H2AC1: variants seen among roughly 807,000 people sequenced by gnomAD.
The protein encoded by H2AC1 is histone H2A type 1-A.
For synonymous variants in H2AC1, 145 were observed against 70.0 expected (o/e 2.07, Z -5.35); for missense variants, 218 against 173.8 (o/e 1.25, Z -1.43).
rs148750226 is a variant in H2AC1, at chr6:25,726,203, G to A, written c.325C>T (p.Leu109=). ...AGCAGCACTGCCTGAATGTTAGGCA[G>A]GACTCCGCCCTGGGCAATGGTCACG... is the stretch of plus-strand genomic sequence containing the variant. ...GGVTIAQGGV[L]PNIQAVLLPK... is the part of the protein sequence containing the mutation. Residue 109 remains leucine (L), a synonymous_variant, in exon 1 of 1, where the codon CTG becomes TTG. Coordinates refer to ENST00000297012, the MANE Select transcript of H2AC1 (RefSeq NM_170745.3). 6.2e-6 allele frequency: 10 copies of A among 1,605,758 alleles called. No homozygotes were observed. The Admixed American group carries it at 1.2e-4, about 19-fold the overall frequency.
In H2AC1 at chr6:25,726,294, G is replaced by A. The variant is rs1760240434; in HGVS notation, c.234C>T (p.Arg78=). The A allele has an allele frequency of 3.1e-6, 5 of 1,614,036 alleles. No individual in the cohort carries two copies. The highest frequency in any genetic ancestry group is 1.3e-5 in the African/African-American group (1 of 74,930). Residue 78 remains arginine, a synonymous_variant, in exon 1 of 1, where the codon CGC becomes CGT. Coordinates refer to ENST00000297012, the MANE Select transcript of H2AC1 (RefSeq NM_170745.3). The stretch of plus-strand genomic sequence containing the variant: ...CTAGCTGCAGGTGGCGGGGAATAAT[G>A]CGAGTTTTTTTGTTATCGCGAGACG... ...GNASRDNKKT[R]IIPRHLQLAI... is the part of the protein sequence containing the mutation.
At position 25,726,076 on chromosome 6, in the gene H2AC1, A is replaced by G; in HGVS notation, c.*56T>C. ...TTTCTGAGACGGTAGGTGGCTCTGA[A>G]AAGAGCCTTTTGTTTTTTCTGACAC... On this transcript the variant is annotated 3_prime_UTR_variant, in exon 1 of 1. Coordinates refer to ENST00000297012, the MANE Select transcript of H2AC1 (RefSeq NM_170745.3). 6.9e-7 allele frequency: 1 copy of G among 1,457,154 alleles called. No homozygotes were observed. The highest frequency in any genetic ancestry group is 1.4e-5 in the South Asian group (1 of 69,054). 90.3% of individuals were successfully genotyped at this position (1,457,154 alleles called of 1,614,324 possible).
In H2AC1 at chr6:25,726,168, C is replaced by T. The variant is rs1475271611; in HGVS notation, c.360G>A (p.Lys120=). ...GGGCTTTATGGTGGTGACTCTCAGT[C>T]TTCTTGGGCAGCAGCACTGCCTGAA... The part of the protein sequence containing the change: ...PNIQAVLLPK[K]TESHHHKAQS... Residue 120 remains lysine, a synonymous_variant, in exon 1 of 1, where the codon AAG becomes AAA. Transcript: ENST00000297012. The T allele has an allele frequency of 1.9e-6, 3 of 1,575,680 alleles. No homozygotes were observed. The highest frequency in any genetic ancestry group is 2.6e-6 in the Non-Finnish European group (3 of 1,158,608).
chr6:25,726,489 G>A lies in H2AC1; in HGVS notation c.39C>T (p.Ala13=), dbSNP rs368694550. The A allele has an allele frequency of 8.1e-6, 13 of 1,612,516 alleles. No homozygotes were observed. Among genetic ancestry groups the A allele is most frequent in the East Asian group, 6.7e-5 (3 of 44,834 alleles). ...CTCTAGAAGAGCGAGACTTAGACTT[G>A]GCGCGTGCTTTTCCTCCCTGCTTCC... ...GRGKQGGKAR[A]KSKSRSSRAG... Residue 13 remains alanine, a synonymous_variant, in exon 1 of 1, where the codon GCC becomes GCT. Transcript: ENST00000297012.
chr6:25,726,506 C>T lies in H2AC1; in HGVS notation c.22G>A (p.Gly8Arg), dbSNP rs772000753. 16 of 1,610,728 alleles carry T rather than the reference C, an allele frequency of 9.9e-6. No individual in the cohort carries two copies. The South Asian group carries it at 1.4e-4, about 14-fold the overall frequency. MSGRGKQ[G>R]GKARAKSKSR... ...TTAGACTTGGCGCGTGCTTTTCCTC[C>T]CTGCTTCCCTCGTCCAGACATCTCC... is the stretch of plus-strand genomic sequence containing the variant. The change falls in exon 1 of 1, where the codon GGA becomes AGA. Residue 8 changes from glycine to arginine, a missense_variant. Physicochemically the swap from Gly to Arg is moderately radical, Grantham distance 125. Transcript: ENST00000297012.
Position 25,726,167 on chromosome 6 carries a change from T to C in H2AC1, c.361A>G (p.Thr121Ala), listed in dbSNP as rs529086208. The part of the protein sequence containing the change: ...NIQAVLLPKK[T>A]ESHHHKAQSK ...TGGGCTTTATGGTGGTGACTCTCAG[T>C]CTTCTTGGGCAGCAGCACTGCCTGA... The change falls in exon 1 of 1, where the codon ACT (threonine) becomes GCT (alanine). Residue 121 changes from threonine (T) to alanine (A), a missense_variant. By Grantham distance (58) the Thr-to-Ala change is moderately conservative (BLOSUM62 0). Coordinates refer to ENST00000297012, the MANE Select transcript of H2AC1 (RefSeq NM_170745.3). The C allele has an allele frequency of 8.9e-6, 14 of 1,573,558 alleles. No individual in the cohort carries two copies. In the East Asian group the frequency reaches 3.2e-4, roughly 35 times the overall value.
In H2AC1 at chr6:25,726,479, A is replaced by G. The variant is rs1760250271; in HGVS notation, c.49T>C (p.Ser17Pro). 2 of 1,613,478 alleles carry G rather than the reference A, an allele frequency of 1.2e-6. No homozygotes were observed. The highest frequency in any genetic ancestry group is 1.7e-6 in the Non-Finnish European group (2 of 1,179,840). Residue 17 changes from serine (S) to proline (P), a missense_variant, in exon 1 of 1, where the codon TCT becomes CCT. Transcript: ENST00000297012. ...TGCAAACCCGCTCTAGAAGAGCGAGACTTAGACTTGGCGCGTGCTTTTCCT... is the reference window on the plus strand; with the variant it reads ...TGCAAACCCGCTCTAGAAGAGCGAGGCTTAGACTTGGCGCGTGCTTTTCCT... ...QGGKARAKSK[S>P]RSSRAGLQFP... is the part of the protein sequence containing the mutation.
rs1332200153 is a variant in H2AC1 at position 25,726,147 on chromosome 6, T to A, written c.381A>T (p.Lys127Asn). The change falls in exon 1 of 1, where the codon AAA becomes AAT. Residue 127 changes from lysine (K) to asparagine (N), a missense_variant. Coordinates refer to ENST00000297012, the MANE Select transcript of H2AC1 (RefSeq NM_170745.3). ...CAACCTTAAGTTACTTGCTTTGGGC[T>A]TTATGGTGGTGACTCTCAGTCTTCT... The part of the protein sequence containing the change: ...LPKKTESHHH[K>N]AQSK The A allele has an allele frequency of 6.5e-7, 1 of 1,546,566 alleles. No homozygotes were observed. The highest frequency in any genetic ancestry group is 1.4e-5 in the African/African-American group (1 of 72,380).
rs769448281 is a variant in H2AC1, at chr6:25,726,083, C to G, written c.*49G>C. Reference sequence around the variant, plus strand: ...GACGGTAGGTGGCTCTGAAAAGAGCCTTTTGTTTTTTCTGACACAGAAGTC... The same window carrying G: ...GACGGTAGGTGGCTCTGAAAAGAGCGTTTTGTTTTTTCTGACACAGAAGTC... On this transcript the variant is annotated 3_prime_UTR_variant, in exon 1 of 1. Transcript: ENST00000297012. The G allele has an allele frequency of 2.0e-6, 3 of 1,472,318 alleles. No individual in the cohort carries two copies. The highest frequency in any genetic ancestry group is 2.7e-6 in the Non-Finnish European group (3 of 1,103,642). The allele number at this position is 1,472,318 out of a possible 1,614,324, so 91.2% of individuals were successfully genotyped here.
In H2AC1 at chr6:25,726,278, G is replaced by C. The variant is rs143443930; in HGVS notation, c.250C>G (p.Leu84Val). The C allele has an allele frequency of 6.2e-7, 1 of 1,614,098 alleles. No individual in the cohort carries two copies. Among genetic ancestry groups the C allele is most frequent in the South Asian group, 1.1e-5 (1 of 91,082 alleles). ...NKKTRIIPRH[L>V]QLAIRNDEEL... ...TCATCATTGCGGATCGCTAGCTGCA[G>C]GTGGCGGGGAATAATGCGAGTTTTT... is the stretch of plus-strand genomic sequence containing the variant. The change falls in exon 1 of 1, where the codon CTG becomes GTG. Residue 84 changes from leucine (L) to valine (V), a missense_variant. Coordinates refer to ENST00000297012, the MANE Select transcript of H2AC1 (RefSeq NM_170745.3).
In H2AC1 at chr6:25,726,446, C is replaced by T. The variant is rs200120159; in HGVS notation, c.82G>A (p.Val28Ile). ...CGAAGCAGACGATGGATCCGGCCTA[C>T]GGGAAACTGCAAACCCGCTCTAGAA... The part of the protein sequence containing the change: ...RSSRAGLQFP[V>I]GRIHRLLRKG... The change falls in exon 1 of 1, where the codon GTA becomes ATA. Residue 28 changes from valine to isoleucine, a missense_variant. By Grantham distance (29) the Val-to-Ile change is conservative (BLOSUM62 3). Coordinates refer to ENST00000297012, the MANE Select transcript of H2AC1 (RefSeq NM_170745.3). 5.6e-6 allele frequency: 9 copies of T among 1,614,032 alleles called. No homozygotes were observed. The highest frequency in any genetic ancestry group is 2.2e-5 in the East Asian group (1 of 44,882).
At position 25,726,070 on chromosome 6, in the gene H2AC1, C is replaced by G. The variant is rs1322337731; in HGVS notation, c.*62G>C. On this transcript the variant is annotated 3_prime_UTR_variant, in exon 1 of 1. Transcript: ENST00000297012. ...AGCCTTTTTCTGAGACGGTAGGTGG[C>G]TCTGAAAAGAGCCTTTTGTTTTTTC... 1.4e-6 allele frequency: 2 copies of G among 1,424,662 alleles called. No homozygotes were observed. The highest frequency in any genetic ancestry group is 3.0e-5 in the South Asian group (2 of 67,580). 88.3% of individuals were successfully genotyped at this position (1,424,662 alleles called of 1,614,324 possible).
Position 25,726,087 on chromosome 6 carries a change from T to C in H2AC1, c.*45A>G. 2.0e-6 allele frequency: 3 copies of C among 1,478,014 alleles called. No individual in the cohort carries two copies. Among genetic ancestry groups the C allele is most frequent in the South Asian group, 1.4e-5 (1 of 69,850 alleles). 91.6% of individuals were successfully genotyped at this position (1,478,014 alleles called of 1,614,324 possible). On this transcript the variant is annotated 3_prime_UTR_variant, in exon 1 of 1. Coordinates refer to ENST00000297012, the MANE Select transcript of H2AC1 (RefSeq NM_170745.3). ...GTAGGTGGCTCTGAAAAGAGCCTTT[T>C]GTTTTTTCTGACACAGAAGTCTTTT... is the stretch of plus-strand genomic sequence containing the variant.
In H2AC1 at chr6:25,726,155, G is replaced by A; in HGVS notation, c.373C>T (p.His125Tyr). 1.3e-6 allele frequency: 2 copies of A among 1,556,808 alleles called. No homozygotes were observed. Among genetic ancestry groups the A allele is most frequent in the Middle Eastern group, 1.7e-4 (1 of 5,766 alleles). The change falls in exon 1 of 1, where the codon CAC (histidine) becomes TAC (tyrosine). Residue 125 changes from histidine (H) to tyrosine (Y), a missense_variant. Transcript: ENST00000297012. ...VLLPKKTESH[H>Y]HKAQSK ...AGTTACTTGCTTTGGGCTTTATGGT[G>A]GTGACTCTCAGTCTTCTTGGGCAGC... is the stretch of plus-strand genomic sequence containing the variant.
In H2AC1 at chr6:25,726,210, G is replaced by A. The variant is rs113723230; in HGVS notation, c.318C>T (p.Gly106=). Residue 106 remains glycine (G), a synonymous_variant, in exon 1 of 1, where the codon GGC becomes GGT. Transcript: ENST00000297012. ...CTGCCTGAATGTTAGGCAGGACTCCGCCCTGGGCAATGGTCACGCCGCCCA... is the reference window on the plus strand; with the variant it reads ...CTGCCTGAATGTTAGGCAGGACTCCACCCTGGGCAATGGTCACGCCGCCCA... The part of the protein sequence containing the change: ...KLLGGVTIAQ[G]GVLPNIQAVL... 70 of 1,610,368 alleles carry A rather than the reference G, an allele frequency of 4.3e-5. 1 individual carries two copies. Among genetic ancestry groups the A allele is most frequent in the African/African-American group, 6.7e-5 (5 of 74,984 alleles).
rs1209943902 is a variant in H2AC1, at chr6:25,726,215, G to C, written c.313C>G (p.Gln105Glu). 1.2e-6 allele frequency: 2 copies of C among 1,611,726 alleles called. No homozygotes were observed. The highest frequency in any genetic ancestry group is 1.7e-6 in the Non-Finnish European group (2 of 1,178,410). Residue 105 changes from glutamine (Q) to glutamate (E), a missense_variant, in exon 1 of 1, where the codon CAG becomes GAG. Gln to Glu is a conservative substitution (Grantham distance 29). Coordinates refer to ENST00000297012, the MANE Select transcript of H2AC1 (RefSeq NM_170745.3). ...TGAATGTTAGGCAGGACTCCGCCCT[G>C]GGCAATGGTCACGCCGCCCAAAAGC... is the stretch of plus-strand genomic sequence containing the variant. ...NKLLGGVTIA[Q>E]GGVLPNIQAV...
At position 25,726,402 on chromosome 6, in the gene H2AC1, C is replaced by T. The variant is rs751373475; in HGVS notation, c.126G>A (p.Glu42=). Residue 42 remains glutamate, a synonymous_variant, in exon 1 of 1, where the codon GAG becomes GAA. Coordinates refer to ENST00000297012, the MANE Select transcript of H2AC1 (RefSeq NM_170745.3). ...ACACTGGTGCGCCTGCCCCTATCCG[C>T]TCTGCATAGTTTCCCTTACGAAGCA... The part of the protein sequence containing the change: ...HRLLRKGNYA[E]RIGAGAPVYL... 6 of 1,614,210 alleles carry T rather than the reference C, an allele frequency of 3.7e-6. No individual in the cohort carries two copies. Among genetic ancestry groups the T allele is most frequent in the Middle Eastern group, 1.6e-4 (1 of 6,062 alleles).
At position 25,726,139 on chromosome 6, in the gene H2AC1, C is replaced by T. The variant is rs376093687; in HGVS notation, c.389G>A (p.Ser130Asn). The T allele has an allele frequency of 9.8e-6, 15 of 1,534,244 alleles. No homozygotes were observed. The Admixed American group carries it at 2.3e-4, about 24-fold the overall frequency. The stretch of plus-strand genomic sequence containing the variant: ...ACCAATGACAACCTTAAGTTACTTG[C>T]TTTGGGCTTTATGGTGGTGACTCTC... ...KTESHHHKAQ[S>N]K Residue 130 changes from serine (S) to asparagine (N), a missense_variant, in exon 1 of 1, where the codon AGC (serine) becomes AAC (asparagine). Transcript: ENST00000297012.
chr6:25,726,083 CTT>C lies in H2AC1; in HGVS notation c.*47_*48del, dbSNP rs768242433. On this transcript the variant is annotated 3_prime_UTR_variant, in exon 1 of 1. Coordinates refer to ENST00000297012, the MANE Select transcript of H2AC1 (RefSeq NM_170745.3). ...GACGGTAGGTGGCTCTGAAAAGAGC[CTT>C]TTGTTTTTTCTGACACAGAAGTCTT... The C allele has an allele frequency of 3.2e-5, 47 of 1,472,318 alleles. No individual in the cohort carries two copies. Among genetic ancestry groups the C allele is most frequent in the East Asian group, 9.5e-5 (4 of 41,986 alleles). 91.2% of individuals were successfully genotyped at this position (1,472,318 alleles called of 1,614,324 possible).
Sources: gnomAD v4.1 joint callset for allele counts on GRCh38, gnomAD v4.1.1 for gene constraint, MANE v1.5 for transcripts, NCBI Gene and HGNC (gene_info 2026-07-23, HGNC 2026-07-21) for gene names.